The following RAD54L2 variants were observed in gnomAD, a reference collection of about 807,000 sequenced individuals.
RAD54L2 encodes RAD54 like 2.
Under a neutral mutation model 138.4 loss-of-function variants are expected in RAD54L2, and 27 were observed. The ratio of observed to expected loss-of-function variants is 0.20; its 90% CI spans 0.14 to 0.27. RAD54L2 has a LOEUF of 0.27. RAD54L2 is among the 10% of genes least tolerant of loss of function. RAD54L2 has a pLI of 1.00. For missense variants in RAD54L2, 1,396 were observed against 1,890.2 expected (o/e 0.74, Z 4.85); for synonymous variants, 644 against 723.2 (o/e 0.89, Z 1.76).
At chr3:51,564,702 A>G (rs1405738144) in intron 2 of RAD54L2, among the ~76,000 whole-genome samples, 1 of 152,192 alleles carries the variant, frequency 6.6e-6, no homozygotes, top group Non-Finnish European at 1.5e-5. Flanking sequence ...GGATGGCTTG[A>G]GCCCAGGAGT....
Position 51,663,240 on chromosome 3 carries a change from C to A in RAD54L2, c.4224C>A (p.Asn1408Lys). The A allele has an allele frequency of 6.2e-7, 1 of 1,614,002 alleles. No individual in the cohort carries two copies. Among genetic ancestry groups the A allele is most frequent in the Non-Finnish European group, 8.5e-7 (1 of 1,179,884 alleles). ...TTCCTTCCCCTGTCTTGCCCAGCAACCTTTCGCGGGGCATGTCTATCTATC... is the reference window on the plus strand; with the variant it reads ...TTCCTTCCCCTGTCTTGCCCAGCAAACTTTCGCGGGGCATGTCTATCTATC... ...APFPSPVLPSNLSRGMSIYPG... is the reference protein window; with the variant it reads ...APFPSPVLPSKLSRGMSIYPG... Residue 1408 changes from asparagine to lysine, a missense_variant, in exon 23 of 23, where the codon AAC (asparagine) becomes AAA (lysine). By Grantham distance (94) the Asn-to-Lys change is moderately conservative (BLOSUM62 0). This residue lies in a region of RAD54L2 where 634 missense variants were observed against 711.2 expected (regional missense o/e 0.89). Coordinates refer to ENST00000684192, the MANE Select transcript of RAD54L2 (RefSeq NM_015106.4).
chr3:51,551,181 G>A (rs1320953785), intron 2 of RAD54L2, among the ~76,000 whole-genome samples: 1 of 151,910 alleles, frequency 6.6e-6, no homozygotes, highest in African/African-American at 2.4e-5. Flanking sequence ...CACCTAGGCT[G>A]GAATGCAGTG....
intron 19 of RAD54L2, among the ~76,000 whole-genome samples, chr3:51,650,500 A>G (rs1483265344): frequency 6.6e-6 from 1 of 152,326 alleles, no homozygotes; most frequent in South Asian, 2.1e-4. Flanking sequence ...TCAGCACCAC[A>G]TTGCACTTAT....
intron 1 of RAD54L2, among the ~76,000 whole-genome samples, chr3:51,540,250 CT>C (rs1405722110): frequency 5.3e-5 from 8 of 152,228 alleles, no homozygotes; most frequent in Non-Finnish European, 1.0e-4. Flanking sequence ...GTTAAATGGT[CT>C]TTCCATCCTT....
chr3:51,570,163 T>TC (rs1473398947), intron 2 of RAD54L2, among the ~76,000 whole-genome samples: 1 of 145,748 alleles, frequency 6.9e-6, no homozygotes, highest in Non-Finnish European at 1.5e-5. Context: ...TTTTTTTTTT[T>TC]GAGACAGAGT....
chr3:51,539,534 G>T (rs566965364), intron 1 of RAD54L2, among the ~76,000 whole-genome samples: 1 of 152,300 alleles, frequency 6.6e-6, no homozygotes, highest in East Asian at 1.9e-4. Context: ...GTGGTTTTCA[G>T]GCAAGGAACT....
chr3:51,633,899 T>C lies in RAD54L2; in HGVS notation c.1009-3T>C, dbSNP rs763601558. ...TCTCTTTTTGGACTTGGCTTTCTAA[T>C]AGGTTAATACTCTTCAGAATTGGCT... On this transcript the variant is annotated splice_region_variant and splice_polypyrimidine_tract_variant and intron_variant, in intron 8 of 22. Transcript: ENST00000684192. The C allele has an allele frequency of 8.1e-6, 13 of 1,610,022 alleles. No individual in the cohort carries two copies. The highest frequency in any genetic ancestry group is 1.1e-5 in the Non-Finnish European group (13 of 1,178,410).
intron 2 of RAD54L2, among the ~76,000 whole-genome samples, chr3:51,570,774 G>A (rs1180065028): frequency 6.6e-6 from 1 of 152,160 alleles, no homozygotes; most frequent in Non-Finnish European, 1.5e-5. Flanking sequence ...AAGAATCAAT[G>A]TTTTGTCATT....
chr3:51,585,938 T>C (rs1457918191), intron 2 of RAD54L2, among the ~76,000 whole-genome samples: 2 of 152,136 alleles, frequency 1.3e-5, no homozygotes, highest in Non-Finnish European at 2.9e-5. Context: ...GAGCCCCTTG[T>C]CACTGGAGAT....
In RAD54L2 at chr3:51,623,741, T is replaced by A. The variant is rs577917403; in HGVS notation, c.140-3812T>A. Among the ~76,000 whole-genome samples, 16 of 151,890 alleles carry A rather than the reference T, an allele frequency of 1.1e-4. No homozygotes were observed. In the South Asian group the frequency reaches 1.2e-3, roughly 12 times the overall value. ...CTGTAATCCCAGCACTTTGGGAGGC[T>A]GAGGCGGGTGGATCACGAGGTCAGG... is the stretch of plus-strand genomic sequence containing the variant. On this transcript the variant is annotated intron_variant, in intron 3 of 22. Coordinates refer to ENST00000684192, the MANE Select transcript of RAD54L2 (RefSeq NM_015106.4).
chr3:51,589,889 A>T (rs1474626391), intron 2 of RAD54L2, among the ~76,000 whole-genome samples: 1 of 152,152 alleles, frequency 6.6e-6, no homozygotes, highest in Non-Finnish European at 1.5e-5. Flanking sequence ...AGAGTCACTA[A>T]AACATGTCTC....
chr3:51,662,798 C>T lies in RAD54L2; in HGVS notation c.3782C>T (p.Pro1261Leu), dbSNP rs1369337159. 8.7e-6 allele frequency: 14 copies of T among 1,610,748 alleles called. No individual in the cohort carries two copies. Among genetic ancestry groups the T allele is most frequent in the Non-Finnish European group, 1.2e-5 (14 of 1,178,536 alleles). ...LRGHKRKLAT[P>L]PAAQESSRRR... is the part of the protein sequence containing the mutation. ...GGCCACAAGCGAAAGTTGGCCACACCACCTGCTGCCCAGGAGTCATCCCGC... is the reference window on the plus strand; with the variant it reads ...GGCCACAAGCGAAAGTTGGCCACACTACCTGCTGCCCAGGAGTCATCCCGC... The change falls in exon 23 of 23, where the codon CCA becomes CTA. Residue 1261 changes from proline to leucine, a missense_variant. Physicochemically the swap from Pro to Leu is moderately conservative, Grantham distance 98 (BLOSUM62 -3). Transcript: ENST00000684192. The surrounding 1 kb of genome is among the most constrained non-coding windows in gnomAD (Gnocchi z 4.6).
intron 3 of RAD54L2, among the ~76,000 whole-genome samples, chr3:51,607,830 GGGCGGCTGGGCAGA>G: frequency 6.7e-6 from 1 of 150,146 alleles, no homozygotes; most frequent in African/African-American, 2.4e-5. Context: ...CTCCCAGACG[GGGCGGCTGGGCAGA>G]GGCGCCCCCC....
intron 19 of RAD54L2, 72 bp from the exon 20 acceptor site, chr3:51,655,899 G>A (rs1249341471): frequency 7.3e-7 from 1 of 1,371,778 alleles, no homozygotes; most frequent in Non-Finnish European, 1.0e-6. Flanking sequence ...GCCTAGAAAG[G>A]CTCTGTAGCC....
At chr3:51,654,531 A>G (rs1478285892) in intron 19 of RAD54L2, among the ~76,000 whole-genome samples, 2 of 152,190 alleles carry the variant, frequency 1.3e-5, no homozygotes, top group East Asian at 3.9e-4. Context: ...CAAAAGAGAA[A>G]GTCACTCTCT....
At chr3:51,544,913 A>G (rs182644751) in intron 2 of RAD54L2, among the ~76,000 whole-genome samples, 2 of 152,076 alleles carry the variant, frequency 1.3e-5, no homozygotes, top group African/African-American at 2.4e-5. Context: ...GGAATGGGTA[A>G]TGGATTTAAC....
chr3:51,614,802 T>TGG (rs1051534442), intron 3 of RAD54L2, among the ~76,000 whole-genome samples: 13 of 151,980 alleles, frequency 8.6e-5, no homozygotes. Context: ...CGGGAGCCAC[T>TGG]GGCGCCTGGC....
intron 3 of RAD54L2, among the ~76,000 whole-genome samples, chr3:51,627,038 G>A (rs1700709363): frequency 6.6e-6 from 1 of 152,190 alleles, no homozygotes; most frequent in African/African-American, 2.4e-5. Flanking sequence ...TTCATGAGGG[G>A]AAGGAATCTT....
intron 15 of RAD54L2, among the ~76,000 whole-genome samples, chr3:51,643,022 A>C (rs1416534830): frequency 2.0e-5 from 3 of 149,842 alleles, no homozygotes; most frequent in Admixed American, 6.7e-5. Context: ...TATGCTTCTT[A>C]ACTGAAGTCT....
Sources: gnomAD v4.1 joint callset for allele counts (sites outside exome capture counted in the v4.1 genomes callset) on GRCh38, gnomAD v4.1.1 for gene constraint, gnomAD v4.1.1 regional missense constraint, Gnocchi (gnomAD v3.1) non-coding constraint, MANE v1.5 for transcripts, NCBI Gene and HGNC (gene_info 2026-07-23, HGNC 2026-07-21) for gene names.